The following PPP2R2B variants were observed in gnomAD, a reference collection of about 807,000 sequenced individuals.
PPP2R2B encodes the protein serine/threonine-protein phosphatase 2A 55 kDa regulatory subunit B beta isoform.
Under a neutral mutation model 46.0 loss-of-function variants are expected in PPP2R2B, and 5 were observed. That is an observed-to-expected ratio of 0.11 (90% confidence interval 0.06 to 0.23). The LOEUF is 0.23. Ranked by LOEUF, PPP2R2B falls within the 10% of genes least tolerant of loss-of-function variation. The pLI is 1.00. For synonymous variants in PPP2R2B, 215 were observed against 206.7 expected, an observed-to-expected ratio of 1.04 and a Z score of -0.34; for missense variants, 367 against 575.0, an observed-to-expected ratio of 0.64 and a Z score of 3.70.
chr5:147,011,895 T>C (rs552789075), intron 1 of PPP2R2B, among the ~76,000 whole-genome samples: 1,667 of 109,722 alleles, frequency 0.015, 56 homozygotes, highest in African/African-American at 0.049. Context: ...GATTTGCGTA[T>C]ATTGAACCAG....
intron 7 of PPP2R2B, among the ~76,000 whole-genome samples, chr5:146,635,969 T>C (rs2151075940): frequency 6.6e-6 from 1 of 152,340 alleles, no homozygotes; most frequent in East Asian, 1.9e-4. Context: ...ATGTCACTTA[T>C]AACACCCATA....
chr5:146,987,181 T>G lies in PPP2R2B; in HGVS notation c.79+68484A>C, dbSNP rs1390826260. The stretch of plus-strand genomic sequence containing the variant: ...AGCTATCCTTAAAACATGAGAGAGA[T>G]GTAGACTTTCTCAGACAAACAAAAG... On this transcript the variant is annotated intron_variant, in intron 1 of 8. Coordinates refer to the PPP2R2B transcript ENST00000336640. 3.9e-5 allele frequency among the ~76,000 whole-genome samples: 6 copies of G among 152,238 alleles called. No individual in the cohort carries two copies. The East Asian group carries it at 7.7e-4, about 20-fold the overall frequency.
chr5:147,079,539 C>A (rs1233472997), intron 2 of PPP2R2B, among the ~76,000 whole-genome samples: 2 of 148,666 alleles, frequency 1.3e-5, no homozygotes, highest in South Asian at 2.1e-4. Flanking sequence ...CATGGATAAA[C>A]CTGAAAGGCA....
At chr5:146,725,567 A>C (rs1203654458) in intron 2 of PPP2R2B, among the ~76,000 whole-genome samples, 4 of 152,220 alleles carry the variant, frequency 2.6e-5, no homozygotes, top group African/African-American at 9.6e-5. Flanking sequence ...ACTGAGTTAC[A>C]AGACATATCG....
intron 7 of PPP2R2B, among the ~76,000 whole-genome samples, chr5:146,603,396 G>T (rs1039198153): frequency 2.6e-5 from 4 of 152,130 alleles, no homozygotes; most frequent in Admixed American, 1.3e-4. Context: ...TTATACATAG[G>T]AATCTGTTTC....
chr5:146,790,352 AG>A (rs1756118634), intron 2 of PPP2R2B, among the ~76,000 whole-genome samples: 1 of 152,172 alleles, frequency 6.6e-6, no homozygotes. Flanking sequence ...ACAGGAAAAA[AG>A]CCCTTTGCTC....
At chr5:146,925,597 C>A (rs145612551) in intron 1 of PPP2R2B, among the ~76,000 whole-genome samples, 106 of 152,302 alleles carry the variant, frequency 7.0e-4, no homozygotes, top group African/African-American at 2.4e-3. Context: ...AACAGTTTGA[C>A]AATGATGTGT....
At chr5:146,771,816 C>A (rs1009342108) in intron 2 of PPP2R2B, among the ~76,000 whole-genome samples, 7 of 152,238 alleles carry the variant, frequency 4.6e-5, no homozygotes, top group African/African-American at 1.7e-4. Context: ...CTAGCCAATG[C>A]AATGTGGGTG....
exon 1 of PPP2R2B, chr5:147,055,759 TA>T: frequency 6.3e-7 from 1 of 1,598,114 alleles, no homozygotes; most frequent in South Asian, 1.1e-5. Context: ...AAATAAAAAA[TA>T]AAAATCTAAA....
intron 2 of PPP2R2B, among the ~76,000 whole-genome samples, chr5:146,849,560 A>G (rs1310033460): frequency 6.6e-6 from 1 of 152,226 alleles, no homozygotes; most frequent in Non-Finnish European, 1.5e-5. Context: ...GACTACAGAT[A>G]AATTTGCAAA....
At chr5:146,634,457 C>T (rs1226944030) in intron 7 of PPP2R2B, among the ~76,000 whole-genome samples, 2 of 152,158 alleles carry the variant, frequency 1.3e-5, no homozygotes, top group African/African-American at 4.8e-5. Flanking sequence ...GCCTCAGCCT[C>T]CTGAGTAACT....
At chr5:147,041,285 G>A (rs1456867008) in intron 1 of PPP2R2B, among the ~76,000 whole-genome samples, 2 of 152,128 alleles carry the variant, frequency 1.3e-5, no homozygotes, top group African/African-American at 4.8e-5. Flanking sequence ...CTCCTCACAG[G>A]CTGTAGCAGC....
At chr5:146,753,115 A>G (rs1423047842) in intron 2 of PPP2R2B, among the ~76,000 whole-genome samples, 1 of 152,238 alleles carries the variant, frequency 6.6e-6, no homozygotes, top group Admixed American at 6.5e-5. Context: ...AGCTGGGTTC[A>G]GAACCTGGAT....
chr5:146,998,069 G>A (rs1017792847), intron 1 of PPP2R2B, among the ~76,000 whole-genome samples: 1 of 152,188 alleles, frequency 6.6e-6, no homozygotes, highest in African/African-American at 2.4e-5. Context: ...CTCCAGGCAA[G>A]GCTCATTATA....
chr5:146,613,647 CAA>C (rs1419505821), intron 7 of PPP2R2B, among the ~76,000 whole-genome samples: 7 of 120,772 alleles, frequency 5.8e-5, no homozygotes, highest in Non-Finnish European at 8.0e-5. Flanking sequence ...GCAACTTCAG[CAA>C]AGTCTCAGGA....
intron 2 of PPP2R2B, among the ~76,000 whole-genome samples, chr5:146,713,241 C>G (rs1307369075): frequency 6.6e-6 from 1 of 151,956 alleles, no homozygotes; most frequent in Admixed American, 6.6e-5. Flanking sequence ...TGGAAAGACC[C>G]TAAGAGGGAA....
chr5:147,040,742 C>T (rs1047402041), intron 1 of PPP2R2B: 11 of 450,822 alleles, frequency 2.4e-5, no homozygotes, highest in African/African-American at 1.4e-4. Context: ...GGTTTAATAA[C>T]AGCGAAGTCT....
At chr5:146,714,287 T>C (rs1561852836) in intron 2 of PPP2R2B, among the ~76,000 whole-genome samples, 2 of 152,168 alleles carry the variant, frequency 1.3e-5, no homozygotes, top group Non-Finnish European at 2.9e-5. Context: ...TTGAGTAATG[T>C]ATAGTTTCTA....
rs564757567 is a variant in PPP2R2B at position 147,080,889 on chromosome 5, G to GA, written c.50+169dup. Among the ~76,000 whole-genome samples, 245 of 146,862 alleles carry GA rather than the reference G, an allele frequency of 1.7e-3. 1 individual carries two copies. The highest frequency in any genetic ancestry group is 6.9e-3 in the Middle Eastern group (2 of 290). Reference sequence around the variant, plus strand: ...GGTAGGAATAAAATAAATTTCAACAGAAAAAAAAAACAGGAGAGAAAGAAG... The same window carrying GA: ...GGTAGGAATAAAATAAATTTCAACAGAAAAAAAAAAACAGGAGAGAAAGAAG... On this transcript the variant is annotated intron_variant, in intron 2 of 10. Transcript: ENST00000394413.
Sources: gnomAD v4.1 joint callset for allele counts (sites outside exome capture counted in the v4.1 genomes callset) on GRCh38, gnomAD v4.1.1 for gene constraint, MANE v1.5 for transcripts, NCBI Gene and HGNC (gene_info 2026-07-23, HGNC 2026-07-21) for gene names.